Variants in USH2A observed in about 807,000 individuals in gnomAD.
The protein encoded by USH2A is Usher syndrome 2A (autosomal recessive, mild).
Under a neutral mutation model 538.9 loss-of-function variants are expected in USH2A, and 443 were observed. The observed-to-expected ratio is 0.82, with a 90% CI of 0.76 to 0.89. The LOEUF is 0.89. USH2A is among the 40% of genes least tolerant of loss of function. The pLI is 0.00. For missense variants in USH2A, 6,633 were observed against 6,324.8 expected (o/e 1.05, Z -1.65); for synonymous variants, 2,413 against 2,273.5 (o/e 1.06, Z -1.75).
At position 215,628,248 on chromosome 1, in the gene USH2A, A is replaced by ATCT. The variant is rs149952316; in HGVS notation, c.15519+563_15519+565dup. Among the ~76,000 whole-genome samples the ATCT allele has an allele frequency of 6.1e-3, 923 of 152,206 alleles. 24 individuals are homozygous for ATCT. In the South Asian group the frequency reaches 0.071, roughly 12 times the overall value. ...TAGGCCCATTCCAATGTTTCCTGTC[A>ATCT]TCTGCTCCAAGTATATGAAGTATAA... On this transcript the variant is annotated intron_variant, in intron 71 of 71. Coordinates refer to ENST00000307340, the MANE Select transcript of USH2A (RefSeq NM_206933.4).
At chr1:215,883,884 T>C (rs1664983555) in intron 41 of USH2A, among the ~76,000 whole-genome samples, 2 of 152,210 alleles carry the variant, frequency 1.3e-5, no homozygotes, top group Admixed American at 1.3e-4. Flanking sequence ...AGTCTTCTAT[T>C]TATACTTCAA....
chr1:216,120,743 T>A (rs1382531541), intron 21 of USH2A, among the ~76,000 whole-genome samples: 1 of 151,804 alleles, frequency 6.6e-6, no homozygotes, highest in African/African-American at 2.4e-5. Flanking sequence ...TCCCAACTAC[T>A]CAGGAAGCTG....
At chr1:215,752,582 A>G (rs909309512) in intron 58 of USH2A, among the ~76,000 whole-genome samples, 8 of 152,190 alleles carry the variant, frequency 5.3e-5, no homozygotes, top group African/African-American at 1.9e-4. Context: ...TATTCCTTCT[A>G]GAATGTGTAG....
intron 58 of USH2A, among the ~76,000 whole-genome samples, chr1:215,757,331 A>G (rs12141905): frequency 0.22 from 33,735 of 152,164 alleles, 3,895 homozygotes; most frequent in East Asian, 0.36. Context: ...GTGTTGGTCT[A>G]TAAGAAACTT....
At chr1:216,311,515 A>G (rs2037419315) in intron 9 of USH2A, among the ~76,000 whole-genome samples, 1 of 152,096 alleles carries the variant, frequency 6.6e-6, no homozygotes, top group African/African-American at 2.4e-5. Context: ...GTTCTGGACT[A>G]TCGTGACAAT....
chr1:216,091,085 T>C (rs1462352597), intron 22 of USH2A, among the ~76,000 whole-genome samples: 2 of 152,158 alleles, frequency 1.3e-5, no homozygotes, highest in African/African-American at 4.8e-5. Context: ...ACTTTATACT[T>C]ACAGCAATTT....
At chr1:216,156,821 A>G (rs1473330680) in intron 21 of USH2A, among the ~76,000 whole-genome samples, 2 of 152,194 alleles carry the variant, frequency 1.3e-5, no homozygotes, top group East Asian at 3.9e-4. Flanking sequence ...CAAATCAACA[A>G]AAGAAAAACA....
intron 65 of USH2A, among the ~76,000 whole-genome samples, chr1:215,650,017 T>A (rs1657001178): frequency 6.6e-6 from 1 of 152,236 alleles, no homozygotes; most frequent in African/African-American, 2.4e-5. Context: ...TCTCCCAGTG[T>A]GCCTCAAACG....
At chr1:216,090,397 C>T (rs932856450) in intron 22 of USH2A, among the ~76,000 whole-genome samples, 2 of 125,238 alleles carry the variant, frequency 1.6e-5, no homozygotes, top group African/African-American at 6.2e-5. Flanking sequence ...AGCTCGACAA[C>T]ATGTATGACA....
intron 60 of USH2A, among the ~76,000 whole-genome samples, chr1:215,729,170 C>T: frequency 6.6e-6 from 1 of 152,030 alleles, no homozygotes; most frequent in East Asian, 1.9e-4. Flanking sequence ...CTCTTAGGAC[C>T]ATAAAATTAC....
chr1:215,658,096 G>A (rs1427419675), intron 64 of USH2A, among the ~76,000 whole-genome samples: 5 of 151,608 alleles, frequency 3.3e-5, no homozygotes, highest in African/African-American at 9.7e-5. Flanking sequence ...CACCCCGCCC[G>A]GCTAATTTTT....
At position 215,910,026 on chromosome 1, in the gene USH2A, G is replaced by T. The variant is rs7519320; in HGVS notation, c.7301-9121C>A. Among the ~76,000 whole-genome samples, 1,497 of 152,048 alleles carry T rather than the reference G, an allele frequency of 9.8e-3. 25 individuals carry two copies. The highest frequency in any genetic ancestry group is 0.035 in the African/African-American group (1,438 of 41,514). On this transcript the variant is annotated intron_variant, in intron 38 of 71. Transcript: ENST00000307340. The stretch of plus-strand genomic sequence containing the variant: ...GTTTAGGCCTGAGCATATACATAAG[G>T]AAGGTGTCAGTCTATAGATAGCACT...
At chr1:215,749,131 G>A (rs1245283858) in intron 58 of USH2A, among the ~76,000 whole-genome samples, 1 of 152,116 alleles carries the variant, frequency 6.6e-6, no homozygotes, top group Admixed American at 6.5e-5. Context: ...TTCATTGTTA[G>A]CAGTAATTTG....
At position 215,700,615 on chromosome 1, in the gene USH2A, C is replaced by G. The variant is rs568253575; in HGVS notation, c.12067-20239G>C. 5.3e-5 allele frequency among the ~76,000 whole-genome samples: 8 copies of G among 152,290 alleles called. No homozygotes were observed. In the East Asian group the frequency reaches 1.4e-3, roughly 26 times the overall value. ...TATGTAAAGGTGTTTATAGTATCCTCTGATGGTAGTTTGTATTTCTGTGGG... is the reference window on the plus strand; with the variant it reads ...TATGTAAAGGTGTTTATAGTATCCTGTGATGGTAGTTTGTATTTCTGTGGG... On this transcript the variant is annotated intron_variant, in intron 61 of 71. Coordinates refer to ENST00000307340, the MANE Select transcript of USH2A (RefSeq NM_206933.4).
At chr1:216,390,602 G>A (rs185027905) in intron 3 of USH2A, among the ~76,000 whole-genome samples, 296 of 152,146 alleles carry the variant, frequency 1.9e-3, no homozygotes, top group African/African-American at 6.4e-3. Flanking sequence ...ATCTTAAAAG[G>A]CTAATATTCT....
In USH2A at chr1:215,900,863, G is replaced by A. The variant is rs755000550; in HGVS notation, c.7343C>T (p.Pro2448Leu). Residue 2448 changes from proline (P) to leucine (L), a missense_variant, in exon 39 of 72, where the codon CCA (proline) becomes CTA (leucine). Pro to Leu is a moderately conservative substitution (Grantham distance 98). Transcript: ENST00000307340. ...VLPPRLSSAT[P>L]TSLQVVWSTP... ...AGACCAGACAACCTGAAGACTGGTTGGAGTGGCAGATGAAAGCCTGGGAGG... is the reference window on the plus strand; with the variant it reads ...AGACCAGACAACCTGAAGACTGGTTAGAGTGGCAGATGAAAGCCTGGGAGG... 6.2e-7 allele frequency: 1 copy of A among 1,613,702 alleles called. No homozygotes were observed. The highest frequency in any genetic ancestry group is 1.1e-5 in the South Asian group (1 of 91,074).
chr1:216,391,808 T>C (rs1437692041), intron 3 of USH2A, among the ~76,000 whole-genome samples: 1 of 152,252 alleles, frequency 6.6e-6, no homozygotes, highest in Admixed American at 6.5e-5. Flanking sequence ...TAGATTCTGC[T>C]GGTGCCCATG....
At chr1:216,183,102 T>C (rs2034525327) in intron 20 of USH2A, among the ~76,000 whole-genome samples, 2 of 152,072 alleles carry the variant, frequency 1.3e-5, no homozygotes, top group Admixed American at 1.3e-4. Flanking sequence ...TAAGCAGGGA[T>C]CTCTCATCCA....
chr1:216,066,246 G>T (rs1019073151), intron 30 of USH2A, among the ~76,000 whole-genome samples: 1 of 151,950 alleles, frequency 6.6e-6, no homozygotes, highest in Non-Finnish European at 1.5e-5. Context: ...CAAGGTGGGT[G>T]AATCACGAGG....
Sources: gnomAD v4.1 joint callset for allele counts (sites outside exome capture counted in the v4.1 genomes callset) on GRCh38, gnomAD v4.1.1 for gene constraint, MANE v1.5 for transcripts, NCBI Gene and HGNC (gene_info 2026-07-23, HGNC 2026-07-21) for gene names.